KLRG1: variants seen among roughly 807,000 people sequenced by gnomAD.
KLRG1 encodes killer cell lectin-like receptor subfamily G member 1.
A neutral mutation model predicts 21.8 loss-of-function variants in KLRG1; 16 were observed. That is an observed-to-expected ratio of 0.73 (90% CI 0.50 to 1.11). The LOEUF (loss-of-function observed/expected upper bound fraction) is 1.11, where lower values mean the gene tolerates loss of function less well. Ranked by LOEUF, KLRG1 falls within the 50% of genes most tolerant of loss-of-function variation. KLRG1 has a pLI of 0.00. For missense variants in KLRG1, 173 were observed against 218.3 expected, an observed-to-expected ratio of 0.79 and a Z score of 1.31; for synonymous variants, 69 against 75.9, an observed-to-expected ratio of 0.91 and a Z score of 0.47.
At chr12:9,001,032 G>C (rs1161686448) in intron 3 of KLRG1, among the ~76,000 whole-genome samples, 1 of 152,152 alleles carries the variant, frequency 6.6e-6, no homozygotes, top group Non-Finnish European at 1.5e-5. Flanking sequence ...GTTTTTAGAT[G>C]ATGGTAATTA....
chr12:9,069,118 CTG>C, the KLRG1 span: 2 of 251,174 alleles, frequency 8.0e-6, no homozygotes, highest in African/African-American at 4.5e-5. Flanking sequence ...GGATGACTAA[CTG>C]TGTTCATTTT....
At chr12:9,147,548 A>T in the KLRG1 span, among the ~76,000 whole-genome samples, 1 of 152,154 alleles carries the variant, frequency 6.6e-6, no homozygotes, top group Non-Finnish European at 1.5e-5. Context: ...GAGTCTTTCA[A>T]TTAGCCTTTG....
chr12:9,167,826 G>T, the KLRG1 span, among the ~76,000 whole-genome samples: 2 of 151,860 alleles, frequency 1.3e-5, no homozygotes, highest in African/African-American at 2.4e-5. Context: ...AACCTCAATG[G>T]TTTAAACTTG....
At chr12:9,173,677 C>A in the KLRG1 span, among the ~76,000 whole-genome samples, 3 of 152,134 alleles carry the variant, frequency 2.0e-5, no homozygotes, top group African/African-American at 7.2e-5. Flanking sequence ...ACGCAAACAA[C>A]CATCCGCAAA....
chr12:9,190,633 C>T, the KLRG1 span, among the ~76,000 whole-genome samples: 13 of 152,080 alleles, frequency 8.5e-5, no homozygotes, highest in Admixed American at 8.5e-4. Context: ...ATCTGTACAA[C>T]AAACCCCATG....
chr12:9,088,924 AC>A, the KLRG1 span, among the ~76,000 whole-genome samples: 23 of 152,180 alleles, frequency 1.5e-4, no homozygotes, highest in Non-Finnish European at 7.4e-5. Context: ...TTTTGATTCT[AC>A]CCACTTTCTA....
At chr12:9,085,877 A>G in the KLRG1 span, among the ~76,000 whole-genome samples, 3 of 152,208 alleles carry the variant, frequency 2.0e-5, no homozygotes. Context: ...GTATACACCA[A>G]TAAATTGGAT....
intron 1 of KLRG1, among the ~76,000 whole-genome samples, chr12:8,950,456 C>G (rs1474607084): frequency 6.6e-6 from 1 of 152,204 alleles, no homozygotes; most frequent in African/African-American, 2.4e-5. Context: ...TGTTGAAGTC[C>G]TGCTCATTCT....
chr12:9,208,812 T>A, the KLRG1 span, among the ~76,000 whole-genome samples: 5 of 152,114 alleles, frequency 3.3e-5, no homozygotes, highest in African/African-American at 1.2e-4. Context: ...TTTTAGCAGT[T>A]GATTGAGTAC....
At chr12:9,111,011 T>C in the KLRG1 span, among the ~76,000 whole-genome samples, 1 of 152,160 alleles carries the variant, frequency 6.6e-6, no homozygotes, top group Non-Finnish European at 1.5e-5. Flanking sequence ...TAAGTAAATA[T>C]GTTCAGATGT....
chr12:9,088,849 A>G, the KLRG1 span, among the ~76,000 whole-genome samples: 3 of 152,222 alleles, frequency 2.0e-5, no homozygotes, highest in African/African-American at 7.2e-5. Flanking sequence ...AGAATGCCCT[A>G]AATTCAGCCG....
the KLRG1 span, chr12:9,110,164 A>G: frequency 8.6e-7 from 1 of 1,160,288 alleles, no homozygotes; most frequent in Middle Eastern, 2.2e-4. Context: ...TGAGTAGAGG[A>G]GATGAGTTAT....
At chr12:9,150,260 GT>G in the KLRG1 span, among the ~76,000 whole-genome samples, 2 of 152,120 alleles carry the variant, frequency 1.3e-5, no homozygotes, top group African/African-American at 4.8e-5. Flanking sequence ...AATTTGTTCA[GT>G]AAGTTTTTGT....
At chr12:9,107,714 C>G in the KLRG1 span, 2 of 1,569,530 alleles carry the variant, frequency 1.3e-6, no homozygotes, top group South Asian at 2.3e-5. Context: ...CTATTTATAT[C>G]TCCCCTTTAG....
the KLRG1 span, among the ~76,000 whole-genome samples, chr12:9,025,084 G>T: frequency 6.6e-6 from 1 of 152,192 alleles, no homozygotes; most frequent in Non-Finnish European, 1.5e-5. Context: ...AATGGAAATG[G>T]CAATATGAAG....
At chr12:8,994,907 A>AT (rs1474263122) in intron 2 of KLRG1, among the ~76,000 whole-genome samples, 18 of 152,296 alleles carry the variant, frequency 1.2e-4, no homozygotes, top group African/African-American at 4.1e-4. Context: ...GTAGTGGAAT[A>AT]TATACTTAGT....
intron 3 of KLRG1, 119 bp downstream of exon 3, chr12:8,995,407 G>C: frequency 2.3e-6 from 2 of 855,712 alleles, no homozygotes; most frequent in Non-Finnish European, 3.5e-6. Context: ...CTGTGATTTG[G>C]GGGGGATACT....
chr12:8,958,359 G>A (rs1335274644), intron 1 of KLRG1, among the ~76,000 whole-genome samples: 6 of 152,180 alleles, frequency 3.9e-5, no homozygotes, highest in African/African-American at 1.4e-4. Flanking sequence ...TTGTATAAAT[G>A]TAGTTCTGTT....
At chr12:9,054,665 A>G in the KLRG1 span, among the ~76,000 whole-genome samples, 3 of 152,156 alleles carry the variant, frequency 2.0e-5, no homozygotes, top group African/African-American at 7.2e-5. Flanking sequence ...ACTGAACACT[A>G]GATCTTATTC....
Sources: allele counts gnomAD v4.1 joint callset (sites outside exome capture counted in the v4.1 genomes callset), GRCh38; gene constraint gnomAD v4.1.1; transcripts MANE v1.5; gene names NCBI Gene and HGNC (gene_info 2026-07-23, HGNC 2026-07-21).